PLCL1: variants seen among roughly 807,000 people sequenced by gnomAD.
PLCL1 encodes phospholipase C like 1 (inactive), also known as inactive phospholipase C-like protein 1.
PLCL1 carries 41 observed loss-of-function variants against 84.4 expected under a neutral mutation model. The observed-to-expected ratio is 0.49, with a 90% CI of 0.38 to 0.63. The LOEUF is 0.63. Among genes scored for constraint, PLCL1 ranks in the 30% least tolerant of loss-of-function variants. The pLI is 0.00. For missense variants in PLCL1, 1,206 were observed against 1,367.8 expected, an observed-to-expected ratio of 0.88 and a Z score of 1.87; for synonymous variants, 490 against 488.3, an observed-to-expected ratio of 1.00 and a Z score of -0.05.
intron 1 of PLCL1, among the ~76,000 whole-genome samples, chr2:198,055,526 T>TA (rs71678560): frequency 0.039 from 5,885 of 151,462 alleles, 376 homozygotes; most frequent in African/African-American, 0.14. Flanking sequence ...ATTTTGTTTT[T>TA]TTTTTTTCAA....
intron 1 of PLCL1, among the ~76,000 whole-genome samples, chr2:197,859,957 G>C (rs1687398357): frequency 6.6e-6 from 1 of 152,028 alleles, no homozygotes; most frequent in Non-Finnish European, 1.5e-5. Flanking sequence ...TTGTTGTATA[G>C]ATTATTTTGT....
chr2:198,037,441 A>G (rs1184882481), intron 1 of PLCL1, among the ~76,000 whole-genome samples: 1 of 152,160 alleles, frequency 6.6e-6, no homozygotes, highest in African/African-American at 2.4e-5. Context: ...GTTTTGTTCG[A>G]CCTTGCATTT....
intron 1 of PLCL1, among the ~76,000 whole-genome samples, chr2:198,012,724 T>TGTATATATAAAAATTTATATATATTAC (rs1422298048): frequency 6.6e-6 from 1 of 150,632 alleles, no homozygotes; most frequent in Non-Finnish European, 1.5e-5. Context: ...TGTGTATATG[T>TGTATATATAAAAATTTATATATATTAC]GTATATATAA....
In PLCL1 at chr2:198,067,240, G is replaced by C. The variant is rs144875725; in HGVS notation, c.241-16518G>C. Among the ~76,000 whole-genome samples the C allele has an allele frequency of 3.2e-3, 489 of 150,788 alleles. 1 individual carries two copies. The highest frequency in any genetic ancestry group is 0.011 in the African/African-American group (463 of 40,920). ...CCTCCCGGATTCAAGTGATTCTCCT[G>C]CCTCAGCCTCCTGAGTAGCTGGGAT... On this transcript the variant is annotated intron_variant, in intron 1 of 5. Transcript: ENST00000428675.
intron 5 of PLCL1, among the ~76,000 whole-genome samples, chr2:198,113,839 A>AGGG (rs1693678720): frequency 1.3e-5 from 2 of 151,880 alleles, no homozygotes; most frequent in African/African-American, 4.8e-5. Flanking sequence ...GGCCATATTA[A>AGGG]TTACAAATTA....
In PLCL1 at chr2:198,084,319, A is replaced by G; in HGVS notation, c.802A>G (p.Ile268Val). 6.2e-7 allele frequency: 1 copy of G among 1,613,734 alleles called. No individual in the cohort carries two copies. The highest frequency in any genetic ancestry group is 8.5e-7 in the Non-Finnish European group (1 of 1,179,590). ...GTTGGAAGACACCTCTGTAGAGTTA[A>G]TAAAACAACTCAACCCTACTCTGAA... Reference protein sequence around the residue: ...IMLEDTSVELIKQLNPTLKEA... With the variant: ...IMLEDTSVELVKQLNPTLKEA... Residue 268 changes from isoleucine (I) to valine (V), a missense_variant, in exon 2 of 6, where the codon ATA (isoleucine) becomes GTA (valine). By Grantham distance (29) the Ile-to-Val change is conservative. Transcript: ENST00000428675.
intron 1 of PLCL1, among the ~76,000 whole-genome samples, chr2:197,937,397 A>G (rs1003247204): frequency 2.0e-5 from 3 of 152,166 alleles, no homozygotes; most frequent in Non-Finnish European, 2.9e-5. Flanking sequence ...TATTTTTTCC[A>G]ATCTATGCGC....
intron 1 of PLCL1, among the ~76,000 whole-genome samples, chr2:197,956,192 T>A (rs1206217827): frequency 6.6e-6 from 1 of 152,204 alleles, no homozygotes; most frequent in Non-Finnish European, 1.5e-5. Flanking sequence ...GGTGTATATG[T>A]GCCACATGTT....
intron 1 of PLCL1, among the ~76,000 whole-genome samples, chr2:197,812,779 T>C (rs1690613260): frequency 1.3e-5 from 2 of 152,134 alleles, no homozygotes; most frequent in Non-Finnish European, 2.9e-5. Context: ...CTGTGAGACA[T>C]TCTCTGATGT....
At position 197,804,834 on chromosome 2, in the gene PLCL1, G is replaced by A. The variant is rs1233794899; in HGVS notation, c.-266G>A. 5.2e-6 allele frequency: 2 copies of A among 383,544 alleles called. No individual in the cohort carries two copies. Among genetic ancestry groups the A allele is most frequent in the East Asian group, 4.2e-5 (1 of 24,046 alleles). 23.8% of individuals were successfully genotyped at this position (383,544 alleles called of 1,614,324 possible). On this transcript the variant is annotated 5_prime_UTR_variant, in exon 1 of 6. Coordinates refer to ENST00000428675, the MANE Select transcript of PLCL1 (RefSeq NM_006226.4). Reference sequence around the variant, plus strand: ...TTTTTCGCCTCTCCTTCTGCCTCCCGCTCACATCGCCTCCCCACTCCCGCC... The same window carrying A: ...TTTTTCGCCTCTCCTTCTGCCTCCCACTCACATCGCCTCCCCACTCCCGCC...
intron 1 of PLCL1, among the ~76,000 whole-genome samples, chr2:197,998,837 A>G (rs1690529434): frequency 6.6e-6 from 1 of 152,120 alleles, no homozygotes; most frequent in Non-Finnish European, 1.5e-5. Context: ...TACGATCTTG[A>G]TCAAACAGAC....
chr2:197,842,315 C>T (rs551431353), intron 1 of PLCL1, among the ~76,000 whole-genome samples: 1 of 152,264 alleles, frequency 6.6e-6, no homozygotes, highest in South Asian at 2.1e-4. Context: ...GTTCCAGTGC[C>T]ATCTCTGGGA....
At chr2:197,984,848 T>C (rs1237458696) in intron 1 of PLCL1, among the ~76,000 whole-genome samples, 3 of 152,164 alleles carry the variant, frequency 2.0e-5, no homozygotes, top group Non-Finnish European at 4.4e-5. Flanking sequence ...AATAAAAGGA[T>C]AGTGAATGGA....
intron 1 of PLCL1, among the ~76,000 whole-genome samples, chr2:197,839,150 A>G (rs996569757): frequency 6.6e-6 from 1 of 152,248 alleles, no homozygotes; most frequent in African/African-American, 2.4e-5. Flanking sequence ...TAAATATTTA[A>G]AAAGAAAAAC....
At chr2:197,942,360 C>T (rs544001847) in intron 1 of PLCL1, among the ~76,000 whole-genome samples, 63 of 152,280 alleles carry the variant, frequency 4.1e-4, no homozygotes, top group Middle Eastern at 3.4e-3. Flanking sequence ...ATTCATTCCT[C>T]CGTATTGCCA....
intron 1 of PLCL1, among the ~76,000 whole-genome samples, chr2:197,940,106 G>GTT (rs145792435): frequency 0.022 from 3,399 of 151,476 alleles, 114 homozygotes; most frequent in African/African-American, 0.078. Flanking sequence ...TCTCCAAATT[G>GTT]TTTTTTTTGA....
chr2:197,979,151 T>C (rs548598431), intron 1 of PLCL1, among the ~76,000 whole-genome samples: 2 of 152,306 alleles, frequency 1.3e-5, no homozygotes, highest in South Asian at 4.1e-4. Flanking sequence ...AAGCTAATAG[T>C]ATCTGTTATG....
At chr2:198,144,853 G>C (rs908199086) in intron 5 of PLCL1, among the ~76,000 whole-genome samples, 1 of 152,144 alleles carries the variant, frequency 6.6e-6, no homozygotes, top group Admixed American at 6.5e-5. Flanking sequence ...CCTGCAGAGA[G>C]TGCCTGCTTT....
chr2:197,847,719 T>C (rs1373773133), intron 1 of PLCL1, among the ~76,000 whole-genome samples: 1 of 152,248 alleles, frequency 6.6e-6, no homozygotes, highest in African/African-American at 2.4e-5. Context: ...TTATGTTATA[T>C]TCTGAATAAT....
Sources: gnomAD v4.1 joint callset for allele counts (sites outside exome capture counted in the v4.1 genomes callset) on GRCh38, gnomAD v4.1.1 for gene constraint, MANE v1.5 for transcripts, NCBI Gene and HGNC (gene_info 2026-07-23, HGNC 2026-07-21) for gene names.